The following RADIL variants were observed in gnomAD, a reference collection of about 807,000 sequenced individuals.
RADIL encodes the protein Rap associating with DIL domain, also known as ras-associating and dilute domain-containing protein.
Under a neutral mutation model 97.6 loss-of-function variants are expected in RADIL, and 99 were observed. The ratio of observed to expected loss-of-function variants is 1.01; its 90% confidence interval spans 0.86 to 1.20. RADIL has a LOEUF of 1.20. Ranked by LOEUF, RADIL falls within the 50% of genes most tolerant of loss-of-function variation. The pLI, the probability that RADIL is intolerant of heterozygous loss-of-function variation, is 0.00. For synonymous variants in RADIL, 803 were observed against 691.8 expected (o/e 1.16, Z -2.52); for missense variants, 1,765 against 1,498.9 (o/e 1.18, Z -2.93).
intron 9 of RADIL, among the ~76,000 whole-genome samples, chr7:4,806,213 AAT>A (rs1782303985): frequency 6.6e-6 from 1 of 152,218 alleles, no homozygotes; most frequent in Non-Finnish European, 1.5e-5. Context: ...GCAGTGGCTC[AAT>A]CACAGCTCAC....
At chr7:4,845,778 T>C (rs1783551669) in intron 2 of RADIL, among the ~76,000 whole-genome samples, 1 of 152,162 alleles carries the variant, frequency 6.6e-6, no homozygotes, top group African/African-American at 2.4e-5. Flanking sequence ...GAAAAGCAAC[T>C]GAAAACCTAA....
intron 5 of RADIL, among the ~76,000 whole-genome samples, chr7:4,823,747 C>G (rs1009939626): frequency 9.2e-5 from 14 of 152,364 alleles, no homozygotes; most frequent in African/African-American, 3.4e-4. Context: ...CAGGATGTGT[C>G]TGTCTGGTGT....
intron 2 of RADIL, among the ~76,000 whole-genome samples, chr7:4,848,512 G>A (rs183076762): frequency 6.6e-6 from 1 of 151,930 alleles, no homozygotes; most frequent in African/African-American, 2.4e-5. Flanking sequence ...AAGGGAATGC[G>A]GAAATAATGA....
rs778386000 is a variant in RADIL, at chr7:4,815,254, G to A, written c.2139+24C>T. On this transcript the variant is annotated intron_variant, in intron 9 of 14. Coordinates refer to ENST00000399583, the MANE Select transcript of RADIL (RefSeq NM_018059.5). This position sits in a 1 kb window ranked among gnomAD's most constrained non-coding sequence, Gnocchi z 8.0. Reference sequence around the variant, plus strand: ...TGTGGCCCCGCCCCTCCCCACACTCGCCGCCTCCCATGCGCACCCCTACCT... The same window carrying A: ...TGTGGCCCCGCCCCTCCCCACACTCACCGCCTCCCATGCGCACCCCTACCT... 61 of 1,511,346 alleles carry A rather than the reference G, an allele frequency of 4.0e-5. No homozygotes were observed. The highest frequency in any genetic ancestry group is 2.7e-4 in the Admixed American group (13 of 47,858). 93.6% of individuals were successfully genotyped at this position (1,511,346 alleles called of 1,614,324 possible). A position where few individuals can be genotyped will look rare whatever the true frequency, so the allele number is the denominator to read the frequency against.
Position 4,815,010 on chromosome 7 carries a change from C to T in RADIL, c.2139+268G>A, listed in dbSNP as rs1207289148. Among the ~76,000 whole-genome samples the T allele has an allele frequency of 6.6e-6, 1 of 152,232 alleles. No individual in the cohort carries two copies. Among genetic ancestry groups the T allele is most frequent in the Non-Finnish European group, 1.5e-5 (1 of 68,040 alleles). ...ATCTCAAGGTCCTTAATCGTAGTCA[C>T]ACGTACAGAGGCTTCTTTGCCATGT... is the stretch of plus-strand genomic sequence containing the variant. On this transcript the variant is annotated intron_variant, in intron 9 of 14. Transcript: ENST00000399583. This position sits in a 1 kb window ranked among gnomAD's most constrained non-coding sequence, Gnocchi z 8.0.
chr7:4,807,344 C>T (rs1425700153), intron 9 of RADIL, among the ~76,000 whole-genome samples: 1 of 151,956 alleles, frequency 6.6e-6, no homozygotes, highest in Admixed American at 6.6e-5. Flanking sequence ...CTGGTTTGCC[C>T]GGGGGTGGTT....
rs539672389 is a variant in RADIL at position 4,817,421 on chromosome 7, C to T, written c.1616-70G>A. On this transcript the variant is annotated intron_variant, in intron 6 of 14. Coordinates refer to ENST00000399583, the MANE Select transcript of RADIL (RefSeq NM_018059.5). The surrounding 1 kb of genome is among the most constrained non-coding windows in gnomAD (Gnocchi z 8.3). Reference sequence around the variant, plus strand: ...TCAGGAACGCAGCAACTCAGCCAGCCGCCAGCTCTTTCCCTGGCGCGGGCA... The same window carrying T: ...TCAGGAACGCAGCAACTCAGCCAGCTGCCAGCTCTTTCCCTGGCGCGGGCA... 365 of 1,395,008 alleles carry T rather than the reference C, an allele frequency of 2.6e-4. 1 individual carries two copies. In the Middle Eastern group the frequency reaches 6.5e-3, roughly 25 times the overall value. 86.4% of individuals were successfully genotyped at this position (1,395,008 alleles called of 1,614,324 possible).
chr7:4,806,471 G>A (rs1488059644), intron 9 of RADIL, among the ~76,000 whole-genome samples: 1 of 152,164 alleles, frequency 6.6e-6, no homozygotes, highest in Non-Finnish European at 1.5e-5. Context: ...GCAGGTATGA[G>A]CCACTGGCTC....
chr7:4,871,033 T>G (rs1178437105), intron 2 of RADIL, among the ~76,000 whole-genome samples: 1 of 152,206 alleles, frequency 6.6e-6, no homozygotes, highest in Non-Finnish European at 1.5e-5. Flanking sequence ...ATTTTCTCTT[T>G]GAATTGGAAA....
At chr7:4,848,333 A>G (rs573639284) in intron 2 of RADIL, among the ~76,000 whole-genome samples, 1 of 152,266 alleles carries the variant, frequency 6.6e-6, no homozygotes, top group East Asian at 1.9e-4. Flanking sequence ...ATGGTATAAA[A>G]ATACCTCTTA....
intron 2 of RADIL, among the ~76,000 whole-genome samples, chr7:4,848,780 AG>A (rs1226798325): frequency 6.6e-6 from 1 of 152,214 alleles, no homozygotes; most frequent in African/African-American, 2.4e-5. Context: ...TTTCCACTGA[AG>A]GAAGTCACTA....
rs181700022 is a variant in RADIL at position 4,862,002 on chromosome 7, G to A, written c.535+15603C>T. The A allele has an allele frequency of 1.8e-3, 798 of 440,012 alleles. 2 individuals are homozygous for A. Among genetic ancestry groups the A allele is most frequent in the African/African-American group, 0.015 (716 of 48,820 alleles). 27.3% of individuals were successfully genotyped at this position (440,012 alleles called of 1,614,324 possible). A position where few individuals can be genotyped will look rare whatever the true frequency, so the allele number is the denominator to read the frequency against. ...TCCCCTCAGCCCCAACATGGCGCCA[G>A]ACCCCTCAGCGGCTGCGTTCCAGAA... is the stretch of plus-strand genomic sequence containing the variant. On this transcript the variant is annotated intron_variant, in intron 2 of 14. Coordinates refer to ENST00000399583, the MANE Select transcript of RADIL (RefSeq NM_018059.5).
In RADIL at chr7:4,801,721, G is replaced by A. The variant is rs757857933; in HGVS notation, c.2774C>T (p.Pro925Leu). The A allele has an allele frequency of 8.7e-6, 14 of 1,610,258 alleles. No individual in the cohort carries two copies. In the Admixed American group the frequency reaches 2.3e-4, roughly 27 times the overall value. Reference protein sequence around the residue: ...GDPDWPESGGPCGKALPERQR... With the variant: ...GDPDWPESGGLCGKALPERQR... ...CCTCTCTGGGAGCGCTTTTCCACAG[G>A]GGCCGCCGGACTCTGGCCAGTCGGG... The change falls in exon 12 of 15, where the codon CCC (proline) becomes CTC (leucine). Residue 925 changes from proline (P) to leucine (L), a missense_variant. Transcript: ENST00000399583.
intron 2 of RADIL, among the ~76,000 whole-genome samples, chr7:4,851,506 C>A (rs970302287): frequency 6.6e-6 from 1 of 152,154 alleles, no homozygotes; most frequent in South Asian, 2.1e-4. Context: ...AGACTGCCAG[C>A]GAAGGCTCAG....
chr7:4,835,106 G>T lies in RADIL; in HGVS notation c.917C>A (p.Pro306Gln), dbSNP rs750007556. 1 of 1,608,784 alleles carries T rather than the reference G, an allele frequency of 6.2e-7. No individual in the cohort carries two copies. The highest frequency in any genetic ancestry group is 8.5e-7 in the Non-Finnish European group (1 of 1,178,014). ...CCTCCCCGCGGCCTGGCCGCTGTCC[G>T]GGAGCGGTTGCCGGCGGATGGTGCA... ...LHCTIRRQPLPDSGQAAGRLV... is the reference protein window; with the variant it reads ...LHCTIRRQPLQDSGQAAGRLV... The change falls in exon 4 of 15, where the codon CCG becomes CAG. Residue 306 changes from proline to glutamine, a missense_variant. By Grantham distance (76) the Pro-to-Gln change is moderately conservative (BLOSUM62 -1). Transcript: ENST00000399583. The surrounding 1 kb of genome is among the most constrained non-coding windows in gnomAD (Gnocchi z 5.8).
At chr7:4,799,585 A>G in intron 14 of RADIL, 45 bp downstream of exon 14, 1 of 1,607,404 alleles carries the variant, frequency 6.2e-7, no homozygotes, top group Non-Finnish European at 8.5e-7. Flanking sequence ...TCCCCTGAGC[A>G]GGGCATCTGG....
intron 9 of RADIL, among the ~76,000 whole-genome samples, chr7:4,807,962 T>G: frequency 1.9e-5 from 1 of 52,516 alleles, no homozygotes; most frequent in African/African-American, 1.5e-4. Flanking sequence ...TCCCTGTCTC[T>G]CTCCTCTCCC....
At chr7:4,881,176 G>A (rs1225010020) in intron 1 of RADIL, among the ~76,000 whole-genome samples, 1 of 151,302 alleles carries the variant, frequency 6.6e-6, no homozygotes, top group African/African-American at 2.4e-5. Context: ...AGCACTTTGG[G>A]AGGCTGAGGC....
rs34905146 is a variant in RADIL at position 4,842,971 on chromosome 7, T to C, written c.536-6366A>G. Reference sequence around the variant, plus strand: ...CAGGGCCTCAGAATAGCTGGGACTATAGGTGCGCACCCCCATGCCCGGCAA... The same window carrying C: ...CAGGGCCTCAGAATAGCTGGGACTACAGGTGCGCACCCCCATGCCCGGCAA... On this transcript the variant is annotated intron_variant, in intron 2 of 14. Transcript: ENST00000399583. This position sits in a 1 kb window ranked among gnomAD's most constrained non-coding sequence, Gnocchi z 4.5. Among the ~76,000 whole-genome samples the C allele has an allele frequency of 2.0e-5, 3 of 151,378 alleles. No individual in the cohort carries two copies. Among genetic ancestry groups the C allele is most frequent in the Non-Finnish European group, 4.4e-5 (3 of 67,946 alleles).
Sources: allele counts gnomAD v4.1 joint callset (sites outside exome capture counted in the v4.1 genomes callset), GRCh38; gene constraint gnomAD v4.1.1; non-coding constraint Gnocchi (gnomAD v3.1); transcripts MANE v1.5; gene names NCBI Gene and HGNC (gene_info 2026-07-23, HGNC 2026-07-21).